ZFAND3: variants seen among roughly 807,000 people sequenced by gnomAD.
ZFAND3 encodes AN1-type zinc finger protein 3.
ZFAND3 carries 10 observed loss-of-function variants against 29.6 expected under a neutral mutation model. That is an observed-to-expected ratio of 0.34 (90% confidence interval 0.21 to 0.57). ZFAND3 has a LOEUF of 0.57. Among genes scored for constraint, ZFAND3 ranks in the 20% least tolerant of loss-of-function variants. The pLI, the probability that ZFAND3 is intolerant of heterozygous loss-of-function variation, is 0.86. For missense variants in ZFAND3, 230 were observed against 304.5 expected (o/e 0.76, Z 1.82); for synonymous variants, 128 against 112.6 (o/e 1.14, Z -0.87).
Position 37,907,005 on chromosome 6 carries a change from C to T in ZFAND3, c.72-22954C>T, listed in dbSNP as rs544665811. ...TCGGAATATAAAATAAAGGACTGGA[C>T]TTCATTACTTTTTAAGTAAACTTTT... On this transcript the variant is annotated intron_variant, in intron 1 of 5. Transcript: ENST00000287218. Among the ~76,000 whole-genome samples, 11 of 152,052 alleles carry T rather than the reference C, an allele frequency of 7.2e-5. 1 individual carries two copies. Among genetic ancestry groups the T allele is most frequent in the Admixed American group, 3.3e-4 (5 of 15,278 alleles).
chr6:37,880,769 CCTA>C (rs1480152014), intron 1 of ZFAND3, among the ~76,000 whole-genome samples: 2 of 148,102 alleles, frequency 1.4e-5, no homozygotes, highest in Non-Finnish European at 3.0e-5. Flanking sequence ...GATTAAATCA[CCTA>C]CTGTTGTGTG....
intron 2 of ZFAND3, among the ~76,000 whole-genome samples, chr6:37,943,933 T>C (rs928024387): frequency 3.3e-5 from 5 of 152,212 alleles, no homozygotes; most frequent in African/African-American, 1.2e-4. Context: ...ATATTAGTAA[T>C]CTTGAAGATG....
chr6:37,884,494 C>CAAAA (rs58015486), intron 1 of ZFAND3, among the ~76,000 whole-genome samples: 12 of 53,844 alleles, frequency 2.2e-4, no homozygotes, highest in East Asian at 5.8e-4. Flanking sequence ...AACTCTAGCT[C>CAAAA]AAAAAAAAAA....
At chr6:37,993,694 T>C (rs953711865) in intron 2 of ZFAND3, among the ~76,000 whole-genome samples, 1 of 152,206 alleles carries the variant, frequency 6.6e-6, no homozygotes, top group Non-Finnish European at 1.5e-5. Flanking sequence ...TTGTTACCAA[T>C]AAAGTATGTG....
At chr6:37,939,713 T>G (rs1046984053) in intron 2 of ZFAND3, among the ~76,000 whole-genome samples, 3 of 152,152 alleles carry the variant, frequency 2.0e-5, no homozygotes, top group African/African-American at 4.8e-5. Flanking sequence ...CCTCTTTTCA[T>G]GTAATTAGAC....
At chr6:38,145,949 T>G (rs1207470870) in intron 5 of ZFAND3, among the ~76,000 whole-genome samples, 1 of 152,240 alleles carries the variant, frequency 6.6e-6, no homozygotes, top group Non-Finnish European at 1.5e-5. Context: ...ATGGGATTCT[T>G]TCAGAACAGA....
intron 2 of ZFAND3, among the ~76,000 whole-genome samples, chr6:37,977,776 TG>T (rs754175202): frequency 0.037 from 5,138 of 137,640 alleles, 504 homozygotes; most frequent in East Asian, 0.28. Flanking sequence ...CTGAGTTTTT[TG>T]TTTTTTTTTT....
chr6:38,047,120 C>T (rs1421327025), intron 2 of ZFAND3, among the ~76,000 whole-genome samples: 1 of 151,988 alleles, frequency 6.6e-6, no homozygotes, highest in African/African-American at 2.4e-5. Context: ...AGTTCAAGAC[C>T]AGCCTGGCCA....
intron 1 of ZFAND3, among the ~76,000 whole-genome samples, chr6:37,877,574 A>C (rs192771359): frequency 7.5e-4 from 114 of 152,336 alleles, no homozygotes; most frequent in African/African-American, 2.6e-3. Flanking sequence ...TTAGGTTTCT[A>C]GTTTAGCACT....
chr6:37,878,365 C>G (rs772093849), intron 1 of ZFAND3, among the ~76,000 whole-genome samples: 3 of 152,196 alleles, frequency 2.0e-5, no homozygotes, highest in Non-Finnish European at 4.4e-5. Flanking sequence ...AGAGGCAAGC[C>G]GAGGTCAGGC....
At chr6:37,835,285 T>C (rs1763945496) in intron 1 of ZFAND3, among the ~76,000 whole-genome samples, 1 of 151,818 alleles carries the variant, frequency 6.6e-6, no homozygotes, top group South Asian at 2.1e-4. Flanking sequence ...CAGCCTCCCA[T>C]GTAGCTGGGA....
chr6:37,922,106 T>C (rs1189096492), intron 1 of ZFAND3, among the ~76,000 whole-genome samples: 1 of 151,986 alleles, frequency 6.6e-6, no homozygotes, highest in African/African-American at 2.4e-5. Flanking sequence ...AATAAAACGT[T>C]GTTGGCAAAG....
chr6:38,000,296 C>T (rs1440136303), intron 2 of ZFAND3, among the ~76,000 whole-genome samples: 1 of 152,156 alleles, frequency 6.6e-6, no homozygotes, highest in Admixed American at 6.5e-5. Flanking sequence ...AATTGAGAAA[C>T]TGTATTTCCC....
At chr6:38,129,942 C>A (rs55890079) in intron 5 of ZFAND3, among the ~76,000 whole-genome samples, 4,485 of 152,136 alleles carry the variant, frequency 0.029, 168 homozygotes, top group African/African-American at 0.085. Context: ...TGATTCTACC[C>A]ATCCATGAGC....
chr6:37,873,297 A>G (rs1329401830), intron 1 of ZFAND3, among the ~76,000 whole-genome samples: 1 of 152,166 alleles, frequency 6.6e-6, no homozygotes, highest in Admixed American at 6.5e-5. Context: ...ATTGGAACCT[A>G]AGGAGTTAAT....
intron 2 of ZFAND3, among the ~76,000 whole-genome samples, chr6:38,059,766 A>G (rs946224112): frequency 6.6e-6 from 1 of 151,894 alleles, no homozygotes; most frequent in African/African-American, 2.4e-5. Flanking sequence ...AATCCCAGCT[A>G]CTCGGGGGCT....
chr6:37,996,072 T>A (rs930831839), intron 2 of ZFAND3, among the ~76,000 whole-genome samples: 1 of 148,516 alleles, frequency 6.7e-6, no homozygotes, highest in Non-Finnish European at 1.5e-5. Context: ...TAGGTTGCAG[T>A]GAGCCGAGAT....
At chr6:37,820,919 A>T (rs1335402492) in intron 1 of ZFAND3, among the ~76,000 whole-genome samples, 6 of 152,348 alleles carry the variant, frequency 3.9e-5, no homozygotes, top group South Asian at 2.1e-4. Context: ...TTGCCACCTA[A>T]CAGGTGCCTC....
intron 5 of ZFAND3, among the ~76,000 whole-genome samples, chr6:38,139,197 G>T (rs571956908): frequency 6.6e-6 from 1 of 152,152 alleles, no homozygotes; most frequent in Non-Finnish European, 1.5e-5. Context: ...TTGAATACCT[G>T]ATTGGCCTTT....
Sources: allele counts gnomAD v4.1 joint callset (sites outside exome capture counted in the v4.1 genomes callset), GRCh38; gene constraint gnomAD v4.1.1; transcripts MANE v1.5; gene names NCBI Gene and HGNC (gene_info 2026-07-23, HGNC 2026-07-21).